Variants in RSBN1 observed in about 807,000 individuals in gnomAD.
RSBN1 encodes the protein lysine-specific demethylase 9.
Under a neutral mutation model 74.8 loss-of-function variants are expected in RSBN1, and 23 were observed. The observed-to-expected ratio is 0.31, with a 90% CI of 0.22 to 0.44. The LOEUF (loss-of-function observed/expected upper bound fraction) is 0.44, where lower values mean the gene tolerates loss of function less well. Ranked by LOEUF, RSBN1 falls within the 20% of genes least tolerant of loss-of-function variation. The probability of loss-of-function intolerance (pLI) is 1.00; values close to 1 mark genes in which losing one functional copy is unlikely to be tolerated. For missense variants in RSBN1, 808 were observed against 1,020.9 expected (o/e 0.79, Z 2.84); for synonymous variants, 407 against 379.6 (o/e 1.07, Z -0.84).
At chr1:113,792,805 GAGAA>G (rs1421784532) in intron 2 of RSBN1, among the ~76,000 whole-genome samples, 1 of 152,006 alleles carries the variant, frequency 6.6e-6, no homozygotes, top group Non-Finnish European at 1.5e-5. Flanking sequence ...TCAAAGAAAG[GAGAA>G]AGAAAGGAAG....
chr1:113,774,069 T>C (rs1286322539), intron 4 of RSBN1, among the ~76,000 whole-genome samples: 1 of 152,076 alleles, frequency 6.6e-6, no homozygotes, highest in South Asian at 2.1e-4. Context: ...CAAACTTCCA[T>C]CCATATACAA....
At position 113,766,290 on chromosome 1, in the gene RSBN1, C is replaced by T. The variant is rs1659780335; in HGVS notation, c.2099G>A (p.Arg700Lys). ...CACAACAGGGTGGTACTGTTTAAGC[C>T]TTATATGCCAGGCTAAGCTGCACAC... is the stretch of plus-strand genomic sequence containing the variant. ...SAVCSLAWHI[R>K]LKQYHPVVEA... The change falls in exon 7 of 7, where the codon AGG becomes AAG. Residue 700 changes from arginine to lysine, a missense_variant. By Grantham distance (26) the Arg-to-Lys change is conservative. Coordinates refer to ENST00000261441, the MANE Select transcript of RSBN1 (RefSeq NM_018364.5). 1 of 1,614,048 alleles carries T rather than the reference C, an allele frequency of 6.2e-7. No individual in the cohort carries two copies. Among genetic ancestry groups the T allele is most frequent in the Admixed American group, 1.7e-5 (1 of 60,014 alleles).
chr1:113,811,668 G>A lies in RSBN1; in HGVS notation c.703+42C>T, dbSNP rs776669961. On this transcript the variant is annotated intron_variant, in intron 1 of 6. Coordinates refer to ENST00000261441, the MANE Select transcript of RSBN1 (RefSeq NM_018364.5). ...TAAAGATGCGGGATATCGGAACTGA[G>A]AGAGACCTAGAACCCAAGCCGGGCA... is the stretch of plus-strand genomic sequence containing the variant. The A allele has an allele frequency of 2.0e-6, 3 of 1,531,612 alleles. No homozygotes were observed. The Admixed American group carries it at 6.1e-5, about 31-fold the overall frequency. 94.9% of individuals were successfully genotyped at this position (1,531,612 alleles called of 1,614,324 possible). A position where few individuals can be genotyped will look rare whatever the true frequency, so the allele number is the denominator to read the frequency against.
chr1:113,804,845 A>G (rs2101826063), intron 1 of RSBN1, among the ~76,000 whole-genome samples: 1 of 151,418 alleles, frequency 6.6e-6, no homozygotes, highest in Non-Finnish European at 1.5e-5. Context: ...GAAAATTTCC[A>G]TTAAACATCT....
intron 2 of RSBN1, among the ~76,000 whole-genome samples, chr1:113,791,402 T>C (rs1056897532): frequency 1.3e-5 from 2 of 152,188 alleles, no homozygotes; most frequent in Non-Finnish European, 2.9e-5. Context: ...TAAGCTCAAC[T>C]GTGTCCCCAA....
At chr1:113,784,434 T>G (rs142777346) in intron 2 of RSBN1, among the ~76,000 whole-genome samples, 2,418 of 152,266 alleles carry the variant, frequency 0.016, 26 homozygotes, top group Non-Finnish European at 0.022. Flanking sequence ...TGTAGTCCAG[T>G]GGTCCCCAAT....
chr1:113,788,248 T>C (rs1188714377), intron 2 of RSBN1, among the ~76,000 whole-genome samples: 1 of 151,908 alleles, frequency 6.6e-6, no homozygotes. Context: ...AGGCCTAATA[T>C]ACAATTAATA....
intron 2 of RSBN1, among the ~76,000 whole-genome samples, chr1:113,779,666 C>G (rs528055973): frequency 2.2e-4 from 34 of 152,288 alleles, no homozygotes; most frequent in Non-Finnish European, 3.2e-4. Flanking sequence ...TCTAAAACAA[C>G]TAAAGTAGAT....
chr1:113,791,264 T>C (rs1558000628), intron 2 of RSBN1, among the ~76,000 whole-genome samples: 1 of 152,204 alleles, frequency 6.6e-6, no homozygotes, highest in Non-Finnish European at 1.5e-5. Context: ...ATAAAATTTA[T>C]TCTCTTTATA....
Position 113,763,374 on chromosome 1 carries a change from T to TTACA in RSBN1, c.*2602_*2605dup, listed in dbSNP as rs1659718083. 6.5e-6 allele frequency: 1 copy of TTACA among 152,726 alleles called. No homozygotes were observed. The highest frequency in any genetic ancestry group is 1.9e-4 in the East Asian group (1 of 5,342). The allele number at this position is 152,726 out of a possible 1,614,324, so 9.5% of individuals were successfully genotyped here. A position where few individuals can be genotyped will look rare whatever the true frequency, so the allele number is the denominator to read the frequency against. On this transcript the variant is annotated 3_prime_UTR_variant, in exon 7 of 7. Transcript: ENST00000261441. Reference sequence around the variant, plus strand: ...AAAGGAAGATCAGCTTAAATTTCAGTTACAACTTCACTGCCATCACTACTT... The same window carrying TTACA: ...AAAGGAAGATCAGCTTAAATTTCAGTTACATACAACTTCACTGCCATCACTACTT...
At chr1:113,797,297 G>T (rs369897214) in intron 2 of RSBN1, 66 bp downstream of exon 2, 2 of 1,288,420 alleles carry the variant, frequency 1.6e-6, no homozygotes, top group African/African-American at 1.5e-5. Context: ...TGTGCTGTGC[G>T]ACAGAAAGAG....
At chr1:113,774,777 A>G (rs1659986585) in intron 4 of RSBN1, among the ~76,000 whole-genome samples, 1 of 151,956 alleles carries the variant, frequency 6.6e-6, no homozygotes, top group Non-Finnish European at 1.5e-5. Context: ...GGATCACTTG[A>G]GCCTGGGAGA....
intron 1 of RSBN1, among the ~76,000 whole-genome samples, chr1:113,799,502 T>C (rs1660537713): frequency 6.6e-6 from 1 of 150,810 alleles, no homozygotes; most frequent in Non-Finnish European, 1.5e-5. Context: ...TAGGAGAAAA[T>C]ATTCCCAGAA....
At chr1:113,794,365 T>C (rs549500588) in intron 2 of RSBN1, among the ~76,000 whole-genome samples, 15 of 152,324 alleles carry the variant, frequency 9.8e-5, no homozygotes, top group African/African-American at 3.1e-4. Flanking sequence ...AGCATTTCCC[T>C]ATTAAAATTC....
chr1:113,811,748 C>G lies in RSBN1; in HGVS notation c.665G>C (p.Arg222Thr). 1 of 1,611,746 alleles carries G rather than the reference C, an allele frequency of 6.2e-7. No homozygotes were observed. ...TTTGATCAGAGGCACCCCTCCAGTCCTCTCGCCGTTTTCCTGCTTGTCCTT... is the reference window on the plus strand; with the variant it reads ...TTTGATCAGAGGCACCCCTCCAGTCGTCTCGCCGTTTTCCTGCTTGTCCTT... ...KHKDKQENGE[R>T]TGGVPLIKAP... Residue 222 changes from arginine to threonine, a missense_variant, in exon 1 of 7, where the codon AGG becomes ACG. By Grantham distance (71) the Arg-to-Thr change is moderately conservative (BLOSUM62 -1). Around this residue, in one of 6 missense-constraint regions of RSBN1, gnomAD observed 464 missense variants for 401.0 expected, o/e 1.16. Transcript: ENST00000261441.
intron 1 of RSBN1, among the ~76,000 whole-genome samples, chr1:113,805,810 C>T (rs530669106): frequency 6.6e-6 from 1 of 152,278 alleles, no homozygotes; most frequent in Non-Finnish European, 1.5e-5. Flanking sequence ...CAGGAAGGAA[C>T]ATGTCTCTTA....
chr1:113,778,104 A>C (rs1248879890), intron 2 of RSBN1, among the ~76,000 whole-genome samples: 1 of 152,160 alleles, frequency 6.6e-6, no homozygotes, highest in Non-Finnish European at 1.5e-5. Context: ...TAACTTTGTA[A>C]TATTTTAGAG....
intron 1 of RSBN1, among the ~76,000 whole-genome samples, chr1:113,806,752 A>AC (rs1236943512): frequency 1.3e-5 from 2 of 150,988 alleles, no homozygotes; most frequent in Non-Finnish European, 2.9e-5. Context: ...TGTAATCCCA[A>AC]CACTTTGGTA....
At position 113,812,398 on chromosome 1, in the gene RSBN1, T is replaced by C. The variant is rs758022036; in HGVS notation, c.15A>G (p.Gly5=). 6.9e-6 allele frequency: 11 copies of C among 1,599,692 alleles called. No individual in the cohort carries two copies. The highest frequency in any genetic ancestry group is 9.3e-6 in the Non-Finnish European group (11 of 1,178,558). The change falls in exon 1 of 7, where the codon GGA becomes GGG. Residue 5 remains glycine (G), a synonymous_variant. Transcript: ENST00000261441. ...CCCTCCACTTGTCGGCCGTTCTTCG[T>C]CCAGAGATGAACATGCCGGAAGCGG... MFIS[G]RRTADKWRAE...
Sources: gnomAD v4.1 joint callset for allele counts (sites outside exome capture counted in the v4.1 genomes callset) on GRCh38, gnomAD v4.1.1 for gene constraint, gnomAD v4.1.1 regional missense constraint, MANE v1.5 for transcripts, NCBI Gene and HGNC (gene_info 2026-07-23, HGNC 2026-07-21) for gene names.